SART1: variants seen among roughly 807,000 people sequenced by gnomAD.
The protein encoded by SART1 is U4/U6.U5 tri-snRNP-associated protein 1.
SART1 carries 28 observed loss-of-function variants against 105.0 expected under a neutral mutation model. The ratio of observed to expected loss-of-function variants is 0.27; its 90% CI spans 0.20 to 0.37. SART1 has a LOEUF of 0.37. Ranked by LOEUF, SART1 falls within the 10% of genes least tolerant of loss-of-function variation. The probability of loss-of-function intolerance (pLI) is 1.00; values close to 1 mark genes in which losing one functional copy is unlikely to be tolerated. For missense variants in SART1, 894 were observed against 1,106.5 expected, an observed-to-expected ratio of 0.81 and a Z score of 2.72; for synonymous variants, 472 against 462.9, an observed-to-expected ratio of 1.02 and a Z score of -0.25.
chr11:65,965,907 C>T lies in SART1; in HGVS notation c.759C>T (p.Asp253=). 6.2e-7 allele frequency: 1 copy of T among 1,614,074 alleles called. No individual in the cohort carries two copies. Among genetic ancestry groups the T allele is most frequent in the African/African-American group, 1.3e-5 (1 of 75,032 alleles). The change falls in exon 7 of 20, where the codon GAC becomes GAT. Residue 253 remains aspartate (D), a synonymous_variant. Transcript: ENST00000312397. ...QRRQDLYSAR[D]LQGLTVEHAI... is the part of the protein sequence containing the mutation. The stretch of plus-strand genomic sequence containing the variant: ...CTTAGGACCTGTACAGTGCCCGGGA[C>T]CTGCAGGGCCTCACCGTGGAGCATG...
At position 65,967,285 on chromosome 11, in the gene SART1, G is replaced by A. The variant is rs756866023; in HGVS notation, c.1215G>A (p.Arg405=). Residue 405 remains arginine, a synonymous_variant, in exon 10 of 20, where the codon AGG becomes AGA. Coordinates refer to ENST00000312397, the MANE Select transcript of SART1 (RefSeq NM_005146.5). ...EMVTFKKTKR[R]VKKIRKKEKE... is the part of the protein sequence containing the mutation. ...TGACCTTTAAAAAGACCAAGCGGAG[G>A]GTGAAGAAAATCCGCAAGAAGGAGA... 2.9e-5 allele frequency: 47 copies of A among 1,613,982 alleles called. No homozygotes were observed. Among genetic ancestry groups the A allele is most frequent in the Non-Finnish European group, 3.7e-5 (44 of 1,180,012 alleles).
At chr11:65,969,613 G>A (rs1033060600) in intron 12 of SART1, among the ~76,000 whole-genome samples, 3 of 152,162 alleles carry the variant, frequency 2.0e-5, no homozygotes, top group Non-Finnish European at 4.4e-5. Flanking sequence ...GTGGGTCTCA[G>A]TGTGTTGCCC....
At chr11:65,970,616 G>A (rs1419800461) in intron 12 of SART1, among the ~76,000 whole-genome samples, 1 of 116,778 alleles carries the variant, frequency 8.6e-6, no homozygotes, top group Non-Finnish European at 1.9e-5. Context: ...ATGGCCGATT[G>A]TTCTGGTGTT....
Position 65,961,785 on chromosome 11 carries a change from G to T in SART1, c.5G>T (p.Gly2Val). The T allele has an allele frequency of 1.3e-6, 2 of 1,535,050 alleles. No homozygotes were observed. Among genetic ancestry groups the T allele is most frequent in the South Asian group, 1.2e-5 (1 of 81,526 alleles). The change falls in exon 1 of 20, where the codon GGG becomes GTG. Residue 2 changes from glycine (G) to valine (V), a missense_variant. Physicochemically the swap from Gly to Val is moderately radical, Grantham distance 109 (BLOSUM62 -3). Around this residue, in one of 2 missense-constraint regions of SART1, gnomAD observed 712 missense variants for 778.2 expected, o/e 0.91. Transcript: ENST00000312397. M[G>V]SSKKHRGEKE... ...GCTCGGAGTGGACGTGCCACTATGG[G>T]GTCGTCCAAGAAGCATCGCGGAGAG...
chr11:65,973,389 A>G (rs1453406005), intron 12 of SART1, among the ~76,000 whole-genome samples: 1 of 152,198 alleles, frequency 6.6e-6, no homozygotes, highest in East Asian at 1.9e-4. Context: ...TTCACAGAAG[A>G]GAAAGCCTAA....
rs552323027 is a variant in SART1 at position 65,977,009 on chromosome 11, C to T, written c.1858-5C>T. On this transcript the variant is annotated splice_polypyrimidine_tract_variant and splice_region_variant and intron_variant, in intron 14 of 19. Transcript: ENST00000312397. ...TGCTAACCACCCCCGCCACGTGTCC[C>T]GTAGTTCTCTGCTTCCTCCACCACC... The T allele has an allele frequency of 1.1e-5, 18 of 1,612,960 alleles. No homozygotes were observed. Among genetic ancestry groups the T allele is most frequent in the African/African-American group, 6.7e-5 (5 of 74,996 alleles).
Position 65,976,773 on chromosome 11 carries a change from G to C in SART1, c.1857+7G>C. The C allele has an allele frequency of 6.3e-7, 1 of 1,598,842 alleles. No individual in the cohort carries two copies. The highest frequency in any genetic ancestry group is 8.5e-7 in the Non-Finnish European group (1 of 1,172,268). On this transcript the variant is annotated splice_region_variant and intron_variant, in intron 14 of 19. Coordinates refer to ENST00000312397, the MANE Select transcript of SART1 (RefSeq NM_005146.5). This position sits in a 1 kb window ranked among gnomAD's most constrained non-coding sequence, Gnocchi z 5.1. ...GGAGAAGCAGCAGCAGGATGTGAGGGCCGCGCCGCTGGGGGGTGGGCGTTT... is the reference window on the plus strand; with the variant it reads ...GGAGAAGCAGCAGCAGGATGTGAGGCCCGCGCCGCTGGGGGGTGGGCGTTT...
chr11:65,976,332 C>T lies in SART1; in HGVS notation c.1573-63C>T. 6.9e-7 allele frequency: 1 copy of T among 1,450,046 alleles called. No homozygotes were observed. Among genetic ancestry groups the T allele is most frequent in the Non-Finnish European group, 9.1e-7 (1 of 1,098,312 alleles). The allele number at this position is 1,450,046 out of a possible 1,614,324, so 89.8% of individuals were successfully genotyped here. On this transcript the variant is annotated intron_variant, in intron 12 of 19. Coordinates refer to ENST00000312397, the MANE Select transcript of SART1 (RefSeq NM_005146.5). The surrounding 1 kb of genome is among the most constrained non-coding windows in gnomAD (Gnocchi z 5.1). ...GCTGCCAGGGAGGACCCTTAGGTTC[C>T]TGGGTCTCAATGGCATCACCCCAGA...
In SART1 at chr11:65,976,829, G is replaced by C; in HGVS notation, c.1857+63G>C. 4 of 1,401,068 alleles carry C rather than the reference G, an allele frequency of 2.9e-6. No homozygotes were observed. Among genetic ancestry groups the C allele is most frequent in the Non-Finnish European group, 3.0e-6 (3 of 1,014,826 alleles). The allele number at this position is 1,401,068 out of a possible 1,614,324, so 86.8% of individuals were successfully genotyped here. ...TGCTCAAGCTGGAGATGAGCACCGG[G>C]CTCGGTGTCCAGAGCCTCAGCCTCC... On this transcript the variant is annotated intron_variant, in intron 14 of 19. Transcript: ENST00000312397. This position sits in a 1 kb window ranked among gnomAD's most constrained non-coding sequence, Gnocchi z 5.1.
Position 65,962,096 on chromosome 11 carries a change from GA to G in SART1, c.313+4del. The G allele has an allele frequency of 6.9e-7, 1 of 1,448,750 alleles. No individual in the cohort carries two copies. Among genetic ancestry groups the G allele is most frequent in the South Asian group, 1.4e-5 (1 of 73,110 alleles). 89.7% of individuals were successfully genotyped at this position (1,448,750 alleles called of 1,614,324 possible). On this transcript the variant is annotated splice_donor_region_variant and intron_variant, in intron 1 of 19. Coordinates refer to ENST00000312397, the MANE Select transcript of SART1 (RefSeq NM_005146.5). Reference sequence around the variant, plus strand: ...GCGCGATGACGGCTACGAGGCCGGTGAGGAGGCGGGGCCTGCGCAGGGGGCG... The same window carrying G: ...GCGCGATGACGGCTACGAGGCCGGTGGGAGGCGGGGCCTGCGCAGGGGGCG...
At chr11:65,964,470 C>T in intron 2 of SART1, 45 bp from the exon 3 acceptor site, 9 of 1,606,998 alleles carry the variant, frequency 5.6e-6, no homozygotes, top group Non-Finnish European at 7.7e-6. Flanking sequence ...CACATGGCAC[C>T]CTGTGTCTTT....
At chr11:65,970,110 C>T (rs1190173447) in intron 12 of SART1, among the ~76,000 whole-genome samples, 2 of 152,150 alleles carry the variant, frequency 1.3e-5, no homozygotes, top group Non-Finnish European at 2.9e-5. Flanking sequence ...ACACCTTTGT[C>T]CTCTAGAGTC....
Position 65,966,232 on chromosome 11 carries a change from A to G in SART1, c.981+14A>G, listed in dbSNP as rs1302960391. ...GACCTGGCGCAGGCACGGCCTGGGC[A>G]GGCTGGGTGGCGGGGGCTGAGGTGG... On this transcript the variant is annotated intron_variant, in intron 8 of 19. Transcript: ENST00000312397. The G allele has an allele frequency of 6.2e-7, 1 of 1,613,812 alleles. No individual in the cohort carries two copies. The highest frequency in any genetic ancestry group is 1.3e-5 in the African/African-American group (1 of 74,914).
At chr11:65,970,364 A>T (rs1431722881) in intron 12 of SART1, among the ~76,000 whole-genome samples, 1 of 152,174 alleles carries the variant, frequency 6.6e-6, no homozygotes, top group Non-Finnish European at 1.5e-5. Context: ...TGTAAGCAGC[A>T]TCCAATCAAG....
rs943184915 is a variant in SART1, at chr11:65,979,220, C to G, written c.*190C>G. On this transcript the variant is annotated 3_prime_UTR_variant, in exon 20 of 20. Coordinates refer to ENST00000312397, the MANE Select transcript of SART1 (RefSeq NM_005146.5). The stretch of plus-strand genomic sequence containing the variant: ...AACAACTAAACGATGGAAGAGAGAG[C>G]GAGCCCGGGTCCTCTAAGGCTCCTT... The G allele has an allele frequency of 1.4e-6, 1 of 723,066 alleles. No homozygotes were observed. The highest frequency in any genetic ancestry group is 2.3e-6 in the Non-Finnish European group (1 of 429,478). The allele number at this position is 723,066 out of a possible 1,614,324, so 44.8% of individuals were successfully genotyped here. A position where few individuals can be genotyped will look rare whatever the true frequency, so the allele number is the denominator to read the frequency against.
chr11:65,967,931 T>G, intron 12 of SART1, 110 bp downstream of exon 12: 1 of 1,015,262 alleles, frequency 9.8e-7, no homozygotes, highest in Non-Finnish European at 1.4e-6. Flanking sequence ...TTCCATTTGT[T>G]TTTTGTTTTC....
In SART1 at chr11:65,964,070, C is replaced by A. The variant is rs754453038; in HGVS notation, c.314-4C>A. ...CTCCTGAGCCATGCTTCTTCTTGTT[C>A]CAGCTGCCAGCTCCAAAACTAGCTC... On this transcript the variant is annotated splice_polypyrimidine_tract_variant and splice_region_variant and intron_variant, in intron 1 of 19. Coordinates refer to ENST00000312397, the MANE Select transcript of SART1 (RefSeq NM_005146.5). The A allele has an allele frequency of 9.9e-6, 16 of 1,611,308 alleles. No homozygotes were observed. Among genetic ancestry groups the A allele is most frequent in the Non-Finnish European group, 1.3e-5 (15 of 1,179,960 alleles).
rs1855543919 is a variant in SART1, at chr11:65,979,255, C to T, written c.*225C>T. On this transcript the variant is annotated 3_prime_UTR_variant, in exon 20 of 20. Coordinates refer to ENST00000312397, the MANE Select transcript of SART1 (RefSeq NM_005146.5). ...TCCTCTAAGGCTCCTTCCTTCTCCC[C>T]TGGCTGTCGGTCACACCTCTGCAGG... 1 of 620,184 alleles carries T rather than the reference C, an allele frequency of 1.6e-6. No homozygotes were observed. The highest frequency in any genetic ancestry group is 2.8e-6 in the Non-Finnish European group (1 of 351,962). 38.4% of individuals were successfully genotyped at this position (620,184 alleles called of 1,614,324 possible).
Position 65,979,468 on chromosome 11 carries a change from G to T in SART1, c.*438G>T, listed in dbSNP as rs755948600. ...ACAGGTGCCACCTTCTGTCCTGGCT[G>T]TCCTGTGCCACCCTGGTCTGTGTCT... On this transcript the variant is annotated 3_prime_UTR_variant, in exon 20 of 20. Coordinates refer to ENST00000312397, the MANE Select transcript of SART1 (RefSeq NM_005146.5). The T allele has an allele frequency of 3.5e-5, 8 of 229,808 alleles. No individual in the cohort carries two copies. The Admixed American group carries it at 4.2e-4, about 12-fold the overall frequency. 14.2% of individuals were successfully genotyped at this position (229,808 alleles called of 1,614,324 possible). A position where few individuals can be genotyped will look rare whatever the true frequency, so the allele number is the denominator to read the frequency against.
Sources: gnomAD v4.1 joint callset for allele counts (sites outside exome capture counted in the v4.1 genomes callset) on GRCh38, gnomAD v4.1.1 for gene constraint, gnomAD v4.1.1 regional missense constraint, Gnocchi (gnomAD v3.1) non-coding constraint, MANE v1.5 for transcripts, NCBI Gene and HGNC (gene_info 2026-07-23, HGNC 2026-07-21) for gene names.